The following PRKN variants were observed in gnomAD, a reference collection of about 807,000 sequenced individuals.
The protein encoded by PRKN is parkin RBR E3 ubiquitin protein ligase, also known as E3 ubiquitin-protein ligase parkin.
A neutral mutation model predicts 59.5 loss-of-function variants in PRKN; 56 were observed. The observed-to-expected ratio is 0.94, with a 90% CI of 0.76 to 1.18. The LOEUF (loss-of-function observed/expected upper bound fraction) is 1.18, where lower values mean the gene tolerates loss of function less well. Ranked by LOEUF, PRKN falls within the 50% of genes most tolerant of loss-of-function variation. The pLI, the probability that PRKN is intolerant of heterozygous loss-of-function variation, is 0.00. For synonymous variants in PRKN, 250 were observed against 222.1 expected (o/e 1.13, Z -1.12); for missense variants, 657 against 596.4 (o/e 1.10, Z -1.06).
chr6:162,631,042 C>G (rs987379717), intron 1 of PRKN, among the ~76,000 whole-genome samples: 2 of 152,108 alleles, frequency 1.3e-5, no homozygotes, highest in Non-Finnish European at 2.9e-5. Flanking sequence ...CTCATCTTTT[C>G]CAAAGCTTCA....
intron 1 of PRKN, among the ~76,000 whole-genome samples, chr6:162,644,463 G>A (rs1431999387): frequency 2.6e-5 from 4 of 152,140 alleles, no homozygotes; most frequent in Admixed American, 6.6e-5. Context: ...CTGCCAGCCC[G>A]CACAGACCTA....
chr6:162,431,832 T>C (rs147458075), intron 2 of PRKN, among the ~76,000 whole-genome samples: 1 of 152,296 alleles, frequency 6.6e-6, no homozygotes, highest in East Asian at 1.9e-4. Flanking sequence ...ATTTTTCAAA[T>C]TCGTAATGCA....
intron 7 of PRKN, among the ~76,000 whole-genome samples, chr6:161,680,709 G>T (rs1305102608): frequency 1.7e-5 from 2 of 118,684 alleles, no homozygotes; most frequent in Non-Finnish European, 3.3e-5. Flanking sequence ...CTTGGGCTCT[G>T]AAAACATCCT....
intron 6 of PRKN, among the ~76,000 whole-genome samples, chr6:161,932,323 T>G (rs555379311): frequency 1.3e-5 from 2 of 152,240 alleles, no homozygotes; most frequent in Admixed American, 6.5e-5. Flanking sequence ...ATAAAAAATA[T>G]AAATTTTTGT....
In PRKN at chr6:161,376,684, G is replaced by A. The variant is rs1785718765; in HGVS notation, c.1167+10110C>T. On this transcript the variant is annotated intron_variant, in intron 10 of 11. Transcript: ENST00000366898. This position sits in a 1 kb window ranked among gnomAD's most constrained non-coding sequence, Gnocchi z 7.3. ...CAGCTCACGCCCAGTGGTGGAGGGTGGATGCGAAGGGCTCACCTCTAGCCT... is the reference window on the plus strand; with the variant it reads ...CAGCTCACGCCCAGTGGTGGAGGGTAGATGCGAAGGGCTCACCTCTAGCCT... Among the ~76,000 whole-genome samples, 6 of 152,132 alleles carry A rather than the reference G, an allele frequency of 3.9e-5. No homozygotes were observed. Among genetic ancestry groups the A allele is most frequent in the Admixed American group, 3.9e-4 (6 of 15,272 alleles).
intron 10 of PRKN, among the ~76,000 whole-genome samples, chr6:161,368,822 C>CCAAA (rs1785328036): frequency 6.6e-6 from 1 of 152,152 alleles, no homozygotes; most frequent in African/African-American, 2.4e-5. Context: ...GCCACGGCTG[C>CCAAA]CAAAGCTCAT....
At chr6:161,673,211 C>T (rs1784971428) in intron 7 of PRKN, among the ~76,000 whole-genome samples, 1 of 152,198 alleles carries the variant, frequency 6.6e-6, no homozygotes, top group Non-Finnish European at 1.5e-5. Flanking sequence ...AGACAGAGCC[C>T]ACCATGCACA....
intron 6 of PRKN, among the ~76,000 whole-genome samples, chr6:161,822,981 G>A (rs2128216748): frequency 6.6e-6 from 1 of 152,080 alleles, no homozygotes; most frequent in South Asian, 2.1e-4. Flanking sequence ...CTGTCACTCA[G>A]GCTGGAGTCC....
At position 162,509,837 on chromosome 6, in the gene PRKN, G is replaced by A. The variant is rs111240563; in HGVS notation, c.8-66364C>T. 7.4e-3 allele frequency among the ~76,000 whole-genome samples: 1,128 copies of A among 152,250 alleles called. 15 individuals carry two copies. The highest frequency in any genetic ancestry group is 0.026 in the African/African-American group (1,093 of 41,524). On this transcript the variant is annotated intron_variant, in intron 1 of 11. Transcript: ENST00000366898. Reference sequence around the variant, plus strand: ...AATTTGAAAGGCAATTCCCACTCCTGCTGGAAGCTAGCTGAGGACTGGATG... The same window carrying A: ...AATTTGAAAGGCAATTCCCACTCCTACTGGAAGCTAGCTGAGGACTGGATG...
At chr6:162,102,610 G>T (rs1257594836) in intron 4 of PRKN, among the ~76,000 whole-genome samples, 1 of 152,034 alleles carries the variant, frequency 6.6e-6, no homozygotes, top group African/African-American at 2.4e-5. Flanking sequence ...AACATACGCA[G>T]GTATTTTATC....
intron 7 of PRKN, among the ~76,000 whole-genome samples, chr6:161,573,591 G>C (rs1780979440): frequency 6.7e-6 from 1 of 149,648 alleles, no homozygotes; most frequent in Non-Finnish European, 1.5e-5. Flanking sequence ...GTGGTGGCGG[G>C]CGCCTGTAGT....
intron 7 of PRKN, among the ~76,000 whole-genome samples, chr6:161,695,720 G>C (rs1234095834): frequency 6.6e-6 from 1 of 152,218 alleles, no homozygotes; most frequent in Non-Finnish European, 1.5e-5. Context: ...AGGGAAAGAT[G>C]AGAGACAGGG....
intron 6 of PRKN, among the ~76,000 whole-genome samples, chr6:161,960,505 A>G (rs1780341603): frequency 6.6e-6 from 1 of 152,254 alleles, no homozygotes; most frequent in African/African-American, 2.4e-5. Context: ...GATCACCTAC[A>G]TAGTCACACA....
Position 161,355,158 on chromosome 6 carries a change from G to A in PRKN, c.1285+4930C>T, listed in dbSNP as rs764000690. On this transcript the variant is annotated intron_variant, in intron 11 of 11. Transcript: ENST00000366898. The surrounding 1 kb of genome is among the most constrained non-coding windows in gnomAD (Gnocchi z 6.8). ...GCAGCAGGGGCTGCCTCCGCACACC[G>A]GCGCGCGCACACCCGGTGTCTTTGC... 3.3e-5 allele frequency among the ~76,000 whole-genome samples: 5 copies of A among 152,206 alleles called. No individual in the cohort carries two copies. The highest frequency in any genetic ancestry group is 7.2e-5 in the African/African-American group (3 of 41,462).
Position 161,423,327 on chromosome 6 carries a change from C to T in PRKN, c.1084-36450G>A, listed in dbSNP as rs1451815330. 6.6e-6 allele frequency among the ~76,000 whole-genome samples: 1 copy of T among 152,150 alleles called. No homozygotes were observed. The highest frequency in any genetic ancestry group is 1.5e-5 in the Non-Finnish European group (1 of 68,040). ...GTACATAGAGGTGTCTACATGCAAA[C>T]GGATAGCAGCTGAGACACGCTGTGT... On this transcript the variant is annotated intron_variant, in intron 9 of 11. Coordinates refer to ENST00000366898, the MANE Select transcript of PRKN (RefSeq NM_004562.3). The surrounding 1 kb of genome is among the most constrained non-coding windows in gnomAD (Gnocchi z 5.9).
chr6:161,691,850 G>A (rs1785809202), intron 7 of PRKN, among the ~76,000 whole-genome samples: 1 of 151,114 alleles, frequency 6.6e-6, no homozygotes, highest in African/African-American at 2.4e-5. Flanking sequence ...TGCAAATGTC[G>A]ATGAAGATCT....
intron 2 of PRKN, among the ~76,000 whole-genome samples, chr6:162,297,789 C>A (rs1279644986): frequency 6.6e-6 from 1 of 152,116 alleles, no homozygotes; most frequent in Non-Finnish European, 1.5e-5. Flanking sequence ...TAGCAACATA[C>A]CACTGTGGGC....
chr6:162,008,395 T>C (rs1782345718), intron 5 of PRKN, among the ~76,000 whole-genome samples: 1 of 152,108 alleles, frequency 6.6e-6, no homozygotes. Flanking sequence ...GGTCAATTGG[T>C]AGCAGCTACA....
chr6:162,659,941 T>A (rs1328849385), intron 1 of PRKN, among the ~76,000 whole-genome samples: 3 of 152,140 alleles, frequency 2.0e-5, no homozygotes, highest in Admixed American at 2.0e-4. Context: ...ATTTGTCATA[T>A]CATTATGAAA....
Sources: gnomAD v4.1 joint callset for allele counts (sites outside exome capture counted in the v4.1 genomes callset) on GRCh38, gnomAD v4.1.1 for gene constraint, Gnocchi (gnomAD v3.1) non-coding constraint, MANE v1.5 for transcripts, NCBI Gene and HGNC (gene_info 2026-07-23, HGNC 2026-07-21) for gene names.